LIN37: variants seen among roughly 807,000 people sequenced by gnomAD.
LIN37 encodes the protein lin-37 DREAM MuvB core complex component.
A neutral mutation model predicts 38.0 loss-of-function variants in LIN37; 21 were observed. The ratio of observed to expected loss-of-function variants is 0.55; its 90% CI spans 0.39 to 0.80. LIN37 has a LOEUF of 0.80. LIN37 is among the 30% of genes least tolerant of loss of function. The pLI, the probability that LIN37 is intolerant of heterozygous loss-of-function variation, is 0.00. For synonymous variants in LIN37, 126 were observed against 122.9 expected (o/e 1.03, Z -0.17); for missense variants, 273 against 338.5 (o/e 0.81, Z 1.52).
rs1970695727 is a variant in LIN37 at position 35,752,744 on chromosome 19, G to A, written c.162-60G>A. The A allele has an allele frequency of 7.6e-6, 12 of 1,582,908 alleles. No homozygotes were observed. The Admixed American group carries it at 2.1e-4, about 28-fold the overall frequency. On this transcript the variant is annotated intron_variant, in intron 3 of 8. Transcript: ENST00000301159. ...CAGGTTTGATACCAGTATCCCCAGG[G>A]TGCCCTCTGCAGGGTTTTGCACAGG...
At position 35,748,596 on chromosome 19, in the gene LIN37, C is replaced by G; in HGVS notation, c.-129C>G. 1 of 1,315,724 alleles carries G rather than the reference C, an allele frequency of 7.6e-7. No homozygotes were observed. Among genetic ancestry groups the G allele is most frequent in the East Asian group, 2.3e-5 (1 of 43,130 alleles). 81.5% of individuals were successfully genotyped at this position (1,315,724 alleles called of 1,614,324 possible). On this transcript the variant is annotated 5_prime_UTR_variant, in exon 1 of 9. Transcript: ENST00000301159. ...TGGCCACGGTCCAGGCTGGACACAA[C>G]CAAAGGCGGAGGACCCGTGGCCCAC...
chr19:35,752,309 T>C, intron 2 of LIN37, 58 bp downstream of exon 2: 2 of 1,573,058 alleles, frequency 1.3e-6, no homozygotes, highest in South Asian at 1.1e-5. Flanking sequence ...CCTCTGATCC[T>C]GGGTGGATTG....
chr19:35,753,806 C>A, intron 6 of LIN37: 1 of 601,604 alleles, frequency 1.7e-6, no homozygotes. Flanking sequence ...AGTCTCTGGG[C>A]TGGATAGGAG....
At position 35,754,489 on chromosome 19, in the gene LIN37, C is replaced by T; in HGVS notation, c.*15C>T. The T allele has an allele frequency of 6.8e-6, 11 of 1,611,936 alleles. No homozygotes were observed. The highest frequency in any genetic ancestry group is 9.3e-6 in the Non-Finnish European group (11 of 1,178,124). On this transcript the variant is annotated 3_prime_UTR_variant, in exon 9 of 9. Transcript: ENST00000301159. Reference sequence around the variant, plus strand: ...AACGACAGTGATGTTCCCAGGTCCCCCCACACCAGTAAACATCCCCCAGCT... The same window carrying T: ...AACGACAGTGATGTTCCCAGGTCCCTCCACACCAGTAAACATCCCCCAGCT...
intron 1 of LIN37, among the ~76,000 whole-genome samples, chr19:35,750,634 GAAAA>G (rs922716847): frequency 6.6e-6 from 1 of 151,816 alleles, no homozygotes. Flanking sequence ...TCCCGAGGGG[GAAAA>G]AAAAGCCCAA....
intron 1 of LIN37, among the ~76,000 whole-genome samples, chr19:35,749,398 T>A (rs560579760): frequency 6.6e-6 from 1 of 152,152 alleles, no homozygotes; most frequent in African/African-American, 2.4e-5. Flanking sequence ...GCTGACCGGA[T>A]CCCAGGCCTG....
chr19:35,751,957 T>G, intron 1 of LIN37: 1 of 482,994 alleles, frequency 2.1e-6, no homozygotes, highest in Non-Finnish European at 3.7e-6. Flanking sequence ...GTGATTGGCC[T>G]TACCTCCTGT....
Position 35,753,014 on chromosome 19 carries a change from G to A in LIN37, c.277+15G>A. 6.4e-7 allele frequency: 1 copy of A among 1,568,876 alleles called. No individual in the cohort carries two copies. Among genetic ancestry groups the A allele is most frequent in the Admixed American group, 1.8e-5 (1 of 54,238 alleles). On this transcript the variant is annotated intron_variant, in intron 5 of 8. Transcript: ENST00000301159. ...GCAGCGATCCAGTGAGTAGACAGTG[G>A]CCCTAGAGGGTCGGTAAGGAGCCAA...
rs745537884 is a variant in LIN37 at position 35,754,029 on chromosome 19, A to G, written c.457A>G (p.Thr153Ala). 1.2e-6 allele frequency: 2 copies of G among 1,613,604 alleles called. No individual in the cohort carries two copies. The highest frequency in any genetic ancestry group is 8.5e-7 in the Non-Finnish European group (1 of 1,179,834). ...LPEDEEGSEV[T>A]NSKSRDVYKL... Reference sequence around the variant, plus strand: ...CTTGTGTCCCCAGGGCTCAGAGGTAACCAACAGCAAGAGTCGTGATGTGTA... The same window carrying G: ...CTTGTGTCCCCAGGGCTCAGAGGTAGCCAACAGCAAGAGTCGTGATGTGTA... Residue 153 changes from threonine (T) to alanine (A), a missense_variant, in exon 7 of 9, where the codon ACC becomes GCC. Physicochemically the swap from Thr to Ala is moderately conservative, Grantham distance 58. Transcript: ENST00000301159.
intron 6 of LIN37, chr19:35,753,750 C>G: frequency 1.8e-6 from 1 of 567,542 alleles, no homozygotes; most frequent in Non-Finnish European, 3.1e-6. Flanking sequence ...GACAGGATTC[C>G]CTGAGGCAGG....
chr19:35,752,271 C>A lies in LIN37; in HGVS notation c.110+20C>A. 2 of 1,597,858 alleles carry A rather than the reference C, an allele frequency of 1.3e-6. No individual in the cohort carries two copies. Among genetic ancestry groups the A allele is most frequent in the African/African-American group, 1.3e-5 (1 of 74,660 alleles). ...GGACAGGTAGGCCAGCGTGGGGTCA[C>A]AGGGCCGGGCACCCTGGTGGGTTGG... On this transcript the variant is annotated intron_variant, in intron 2 of 8. Coordinates refer to ENST00000301159, the MANE Select transcript of LIN37 (RefSeq NM_019104.3).
chr19:35,753,242 G>C lies in LIN37; in HGVS notation c.433G>C (p.Glu145Gln), dbSNP rs1970707079. 1.9e-6 allele frequency: 3 copies of C among 1,549,178 alleles called. No homozygotes were observed. In the Admixed American group the frequency reaches 5.9e-5, roughly 30 times the overall value. The change falls in exon 6 of 9, where the codon GAG becomes CAG. Residue 145 changes from glutamate to glutamine, a missense_variant. By Grantham distance (29) the Glu-to-Gln change is conservative (BLOSUM62 2). Coordinates refer to ENST00000301159, the MANE Select transcript of LIN37 (RefSeq NM_019104.3). ...SPSSPLPPLPEDEEGSEVTNS... is the reference protein window; with the variant it reads ...SPSSPLPPLPQDEEGSEVTNS... ...CAGCTCACCCCTGCCCCCGCTGCCT[G>C]AGGATGAGGAGGTGGGATGGGTAGT...
chr19:35,752,736 TCC>T lies in LIN37; in HGVS notation c.162-65_162-64del, dbSNP rs1970695359. On this transcript the variant is annotated intron_variant, in intron 3 of 8. Coordinates refer to ENST00000301159, the MANE Select transcript of LIN37 (RefSeq NM_019104.3). Reference sequence around the variant, plus strand: ...GAGCATCTCAGGTTTGATACCAGTATCCCCAGGGTGCCCTCTGCAGGGTTTTG... The same window carrying T: ...GAGCATCTCAGGTTTGATACCAGTATCCAGGGTGCCCTCTGCAGGGTTTTG... The T allele has an allele frequency of 7.0e-6, 11 of 1,566,106 alleles. No homozygotes were observed. In the South Asian group the frequency reaches 1.3e-4, roughly 18 times the overall value.
At chr19:35,753,933 G>GGAAA (rs1444003117) in intron 6 of LIN37, 84 bp from the exon 7 acceptor site, 1 of 1,498,618 alleles carries the variant, frequency 6.7e-7, no homozygotes, top group Non-Finnish European at 9.1e-7. Flanking sequence ...TTTGTTGCTG[G>GGAAA]GAAAGGCAGG....
chr19:35,752,237 G>T lies in LIN37; in HGVS notation c.96G>T (p.Lys32Asn). The change falls in exon 2 of 9, where the codon AAG becomes AAT. Residue 32 changes from lysine to asparagine, a missense_variant. Physicochemically the swap from Lys to Asn is moderately conservative, Grantham distance 94 (BLOSUM62 0). Coordinates refer to ENST00000301159, the MANE Select transcript of LIN37 (RefSeq NM_019104.3). ...CTGTCTTGCAGTGTCTGCTGGAGAA[G>T]AGTCACATGGACAGGTAGGCCAGCG... ...LDAVLQCLLE[K>N]SHMDRERLDE... 1 of 1,606,656 alleles carries T rather than the reference G, an allele frequency of 6.2e-7. No homozygotes were observed. Among genetic ancestry groups the T allele is most frequent in the Non-Finnish European group, 8.5e-7 (1 of 1,176,646 alleles).
chr19:35,754,078 C>CG lies in LIN37; in HGVS notation c.510dup (p.Pro171AlafsTer17). On this transcript the variant is annotated frameshift_variant, in exon 7 of 9. Coordinates refer to ENST00000301159, the MANE Select transcript of LIN37 (RefSeq NM_019104.3). LOFTEE classifies it high-confidence loss of function. The stretch of plus-strand genomic sequence containing the variant: ...TACAAGCTGCCGCCACCCACACCCC[C>CG]GGGGCCACCCGGAGATGCCTGCAGA... 6.2e-7 allele frequency: 1 copy of CG among 1,613,932 alleles called. No homozygotes were observed. Among genetic ancestry groups the CG allele is most frequent in the Non-Finnish European group, 8.5e-7 (1 of 1,179,884 alleles).
intron 1 of LIN37, among the ~76,000 whole-genome samples, chr19:35,750,734 G>T (rs886645341): frequency 6.6e-6 from 1 of 152,146 alleles, no homozygotes; most frequent in African/African-American, 2.4e-5. Context: ...GGCTGAGGCA[G>T]GTGGATCATG....
intron 7 of LIN37, 28 bp from the exon 8 acceptor site, chr19:35,754,218 A>T (rs746905136): frequency 5.0e-6 from 8 of 1,613,890 alleles, no homozygotes; most frequent in Non-Finnish European, 6.8e-6. Flanking sequence ...AGGAATGGCC[A>T]CTCAACCTGG....
chr19:35,754,427 T>C lies in LIN37; in HGVS notation c.694T>C (p.Tyr232His). 6.2e-7 allele frequency: 1 copy of C among 1,614,040 alleles called. No homozygotes were observed. Residue 232 changes from tyrosine to histidine, a missense_variant, in exon 9 of 9, where the codon TAC (tyrosine) becomes CAC (histidine). Physicochemically the swap from Tyr to His is moderately conservative, Grantham distance 83 (BLOSUM62 2). Transcript: ENST00000301159. ...GGCCTCTCATCGGAACCAGCTTCGT[T>C]ACTCAGAAAGCATGAAGATCCTACG... ...KEASHRNQLR[Y>H]SESMKILREM... is the part of the protein sequence containing the mutation.
Sources: gnomAD v4.1 joint callset for allele counts (sites outside exome capture counted in the v4.1 genomes callset) on GRCh38, gnomAD v4.1.1 for gene constraint, MANE v1.5 for transcripts, NCBI Gene and HGNC (gene_info 2026-07-23, HGNC 2026-07-21) for gene names.